PRTG: variants seen among roughly 807,000 people sequenced by gnomAD.
The protein encoded by PRTG is protogenin.
In PRTG, 67 loss-of-function variants were observed where a neutral mutation model predicts 122.5. That is an observed-to-expected ratio of 0.55 (90% confidence interval 0.45 to 0.67). PRTG has a LOEUF of 0.67. Among genes scored for constraint, PRTG ranks in the 30% least tolerant of loss-of-function variants. The pLI is 0.00. For synonymous variants in PRTG, 554 were observed against 501.1 expected, an observed-to-expected ratio of 1.11 and a Z score of -1.41; for missense variants, 1,435 against 1,415.4, an observed-to-expected ratio of 1.01 and a Z score of -0.22.
At chr15:55,695,452 T>G (rs1394422800) in intron 2 of PRTG, among the ~76,000 whole-genome samples, 3 of 152,226 alleles carry the variant, frequency 2.0e-5, no homozygotes, top group African/African-American at 7.2e-5. Context: ...CATAAAATAA[T>G]GAGGTCAGAA....
intron 15 of PRTG, among the ~76,000 whole-genome samples, chr15:55,634,880 G>GC (rs1296130652): frequency 2.0e-5 from 3 of 151,950 alleles, no homozygotes; most frequent in African/African-American, 7.3e-5. Context: ...AATACTGAGG[G>GC]CCCCAGTGAA....
At chr15:55,680,029 T>G (rs1263045536) in intron 6 of PRTG, 25 bp downstream of exon 6, 2 of 1,592,388 alleles carry the variant, frequency 1.3e-6, no homozygotes, top group Non-Finnish European at 1.7e-6. Flanking sequence ...AAGATTCCCC[T>G]GATTGCAGAA....
In PRTG at chr15:55,717,594, T is replaced by G. The variant is rs995251002; in HGVS notation, c.397+22788A>C. The stretch of plus-strand genomic sequence containing the variant: ...AGTAATGAAGCAGAAATCAATAATT[T>G]CATTTAATCTAGTGAACTATTATGT... On this transcript the variant is annotated intron_variant, in intron 2 of 19. Coordinates refer to ENST00000389286, the MANE Select transcript of PRTG (RefSeq NM_173814.6). Among the ~76,000 whole-genome samples the G allele has an allele frequency of 1.2e-4, 18 of 152,238 alleles. 1 individual carries two copies. Among genetic ancestry groups the G allele is most frequent in the African/African-American group, 4.1e-4 (17 of 41,464 alleles).
chr15:55,666,818 T>C (rs1253447962), intron 11 of PRTG, among the ~76,000 whole-genome samples: 1 of 152,218 alleles, frequency 6.6e-6, no homozygotes, highest in Non-Finnish European at 1.5e-5. Context: ...CTAACTTTTA[T>C]GTGCATTATT....
intron 2 of PRTG, among the ~76,000 whole-genome samples, chr15:55,726,635 T>C (rs1461556497): frequency 7.2e-6 from 1 of 138,040 alleles, no homozygotes; most frequent in Non-Finnish European, 1.6e-5. Context: ...GAGCGAATCT[T>C]CGTCTCAAAA....
chr15:55,643,279 T>G (rs1196046215), intron 11 of PRTG, among the ~76,000 whole-genome samples: 1 of 152,156 alleles, frequency 6.6e-6, no homozygotes, highest in Non-Finnish European at 1.5e-5. Flanking sequence ...CTTAGAAAAC[T>G]TCTAACCTTT....
chr15:55,700,274 ATAAT>A (rs373609012), intron 2 of PRTG, among the ~76,000 whole-genome samples: 38 of 152,304 alleles, frequency 2.5e-4, no homozygotes, highest in Middle Eastern at 3.4e-3. Context: ...TCATCTTTAA[ATAAT>A]TAATCTTGAC....
intron 2 of PRTG, among the ~76,000 whole-genome samples, chr15:55,725,226 A>G (rs1157116038): frequency 6.6e-6 from 1 of 152,236 alleles, no homozygotes; most frequent in Non-Finnish European, 1.5e-5. Context: ...CTAGATTGTT[A>G]CAAATTGAGG....
rs541790014 is a variant in PRTG at position 55,687,893 on chromosome 15, C to T, written c.398-3962G>A. 2.0e-5 allele frequency among the ~76,000 whole-genome samples: 3 copies of T among 152,306 alleles called. No individual in the cohort carries two copies. In the East Asian group the frequency reaches 5.8e-4, roughly 29 times the overall value. On this transcript the variant is annotated intron_variant, in intron 2 of 19. Coordinates refer to ENST00000389286, the MANE Select transcript of PRTG (RefSeq NM_173814.6). Reference sequence around the variant, plus strand: ...AAAGAAAGAGGCAACCATGAATCAACAATGAAAGTAAATTCCCTCCTTTCT... The same window carrying T: ...AAAGAAAGAGGCAACCATGAATCAATAATGAAAGTAAATTCCCTCCTTTCT...
intron 2 of PRTG, among the ~76,000 whole-genome samples, chr15:55,695,908 T>A (rs1367809060): frequency 6.7e-6 from 1 of 150,128 alleles, no homozygotes; most frequent in Non-Finnish European, 1.5e-5. Flanking sequence ...GAGGCAGAGG[T>A]TGCAGTGAGC....
intron 15 of PRTG, among the ~76,000 whole-genome samples, chr15:55,630,099 G>A (rs374047027): frequency 1.3e-5 from 2 of 150,558 alleles, no homozygotes; most frequent in Non-Finnish European, 2.9e-5. Context: ...CCATTCTCCC[G>A]CCTCAGCCTC....
chr15:55,722,027 C>G (rs541887784), intron 2 of PRTG, among the ~76,000 whole-genome samples: 4 of 152,282 alleles, frequency 2.6e-5, no homozygotes, highest in South Asian at 4.1e-4. Context: ...CCCCTTCCCC[C>G]AGACTTGGAG....
At chr15:55,642,315 G>C (rs28512199) in intron 11 of PRTG, among the ~76,000 whole-genome samples, 28,085 of 151,686 alleles carry the variant, frequency 0.19, 2,926 homozygotes, top group East Asian at 0.39. Context: ...TACTTGCTCA[G>C]GGCAAAAATA....
rs115358172 is a variant in PRTG at position 55,629,028 on chromosome 15, T to G, written c.2624-24A>C. The stretch of plus-strand genomic sequence containing the variant: ...CCCTAGAAATACATCAATTACAAAT[T>G]AAGTGAACATTTATCTTTTATTCTT... On this transcript the variant is annotated intron_variant, in intron 15 of 19. Transcript: ENST00000389286. The G allele has an allele frequency of 7.1e-4, 1,074 of 1,505,238 alleles. 7 individuals are homozygous for G. The African/African-American group carries it at 0.014, about 19-fold the overall frequency. 93.2% of individuals were successfully genotyped at this position (1,505,238 alleles called of 1,614,324 possible).
Position 55,683,860 on chromosome 15 carries a change from T to C in PRTG, c.469A>G (p.Lys157Glu). The C allele has an allele frequency of 6.2e-7, 1 of 1,614,024 alleles. No homozygotes were observed. Among genetic ancestry groups the C allele is most frequent in the Non-Finnish European group, 8.5e-7 (1 of 1,179,928 alleles). ...ACTGCAGGAGGGTGGGATGAAATCT[T>C]GCATGCAAATCGAGCAACTCCACCT... Reference protein sequence around the residue: ...HEGGVARFACKISSHPPAVIT... With the variant: ...HEGGVARFACEISSHPPAVIT... Residue 157 changes from lysine to glutamate, a missense_variant, in exon 3 of 20, where the codon AAG becomes GAG. Coordinates refer to ENST00000389286, the MANE Select transcript of PRTG (RefSeq NM_173814.6).
At chr15:55,733,440 GC>G (rs1479640861) in intron 2 of PRTG, among the ~76,000 whole-genome samples, 1 of 151,418 alleles carries the variant, frequency 6.6e-6, no homozygotes, top group Non-Finnish European at 1.5e-5. Flanking sequence ...AAACCCACAG[GC>G]GGAGGTTGTG....
rs375478837 is a variant in PRTG at position 55,692,899 on chromosome 15, C to G, written c.398-8968G>C. Among the ~76,000 whole-genome samples the G allele has an allele frequency of 3.3e-4, 42 of 125,436 alleles. No individual in the cohort carries two copies. In the South Asian group the frequency reaches 0.011, roughly 32 times the overall value. 82.3% of individuals were successfully genotyped at this position (125,436 alleles called of 152,430 possible). ...TCTGTTGCCCAGGCCGGAGTGCAGTCGTGCGATCTCAGCTCACTGCAACCT... is the reference window on the plus strand; with the variant it reads ...TCTGTTGCCCAGGCCGGAGTGCAGTGGTGCGATCTCAGCTCACTGCAACCT... On this transcript the variant is annotated intron_variant, in intron 2 of 19. Transcript: ENST00000389286.
chr15:55,624,624 C>T (rs2059185090), intron 17 of PRTG, 117 bp from the exon 18 acceptor site: 6 of 689,016 alleles, frequency 8.7e-6, no homozygotes, highest in Middle Eastern at 6.0e-4. Context: ...ACCCATTTCT[C>T]AAATATTTTT....
intron 2 of PRTG, among the ~76,000 whole-genome samples, chr15:55,734,937 A>G (rs1472378382): frequency 3.9e-5 from 6 of 152,184 alleles, no homozygotes; most frequent in Admixed American, 2.0e-4. Flanking sequence ...GCAATTATCA[A>G]TTGTTTACTG....
Sources: allele counts gnomAD v4.1 joint callset (sites outside exome capture counted in the v4.1 genomes callset), GRCh38; gene constraint gnomAD v4.1.1; transcripts MANE v1.5; gene names NCBI Gene and HGNC (gene_info 2026-07-23, HGNC 2026-07-21).